Variants in LARP4B observed in about 807,000 individuals in gnomAD.
LARP4B encodes the protein La ribonucleoprotein 4B, also known as la-related protein 4B.
Under a neutral mutation model 89.8 loss-of-function variants are expected in LARP4B, and 12 were observed. That is an observed-to-expected ratio of 0.13 (90% CI 0.09 to 0.22). The LOEUF is 0.22. Among genes scored for constraint, LARP4B ranks in the 10% least tolerant of loss-of-function variants. The probability of loss-of-function intolerance (pLI) is 1.00; values close to 1 mark genes in which losing one functional copy is unlikely to be tolerated. For synonymous variants in LARP4B, 367 were observed against 363.3 expected, an observed-to-expected ratio of 1.01 and a Z score of -0.12; for missense variants, 757 against 947.7, an observed-to-expected ratio of 0.80 and a Z score of 2.64.
intron 3 of LARP4B, among the ~76,000 whole-genome samples, chr10:867,077 T>C (rs1007418689): frequency 2.6e-5 from 4 of 152,258 alleles, no homozygotes; most frequent in African/African-American, 9.6e-5. Flanking sequence ...CAAGGTTTTA[T>C]GCCACAAATG....
At chr10:892,658 G>C (rs919821581) in intron 1 of LARP4B, among the ~76,000 whole-genome samples, 1 of 151,656 alleles carries the variant, frequency 6.6e-6, no homozygotes, top group Admixed American at 6.6e-5. Flanking sequence ...TCCTGCCTCA[G>C]CCTCCCGAGT....
At chr10:958,776 C>T in the LARP4B span, among the ~76,000 whole-genome samples, 1 of 152,240 alleles carries the variant, frequency 6.6e-6, no homozygotes, top group African/African-American at 2.4e-5. Flanking sequence ...TTCGCGTAGA[C>T]ACACTGACAA....
rs1033351344 is a variant in LARP4B at position 863,368 on chromosome 10, G to A, written c.430+375C>T. Reference sequence around the variant, plus strand: ...CTCCCAAATAGCTGGGACTACAGGCGCCCGCCACCACGCCCAGCTGATTTT... The same window carrying A: ...CTCCCAAATAGCTGGGACTACAGGCACCCGCCACCACGCCCAGCTGATTTT... On this transcript the variant is annotated intron_variant, in intron 5 of 17. Transcript: ENST00000316157. Among the ~76,000 whole-genome samples the A allele has an allele frequency of 4.6e-5, 7 of 151,462 alleles. No individual in the cohort carries two copies. The South Asian group carries it at 8.3e-4, about 18-fold the overall frequency.
chr10:894,369 G>T (rs866814690), intron 1 of LARP4B, among the ~76,000 whole-genome samples: 49 of 152,134 alleles, frequency 3.2e-4, no homozygotes, highest in Admixed American at 2.6e-4. Context: ...CAAAATGTAG[G>T]CAAGAAAGAC....
chr10:873,665 A>T (rs567569249), intron 3 of LARP4B, among the ~76,000 whole-genome samples: 29 of 152,366 alleles, frequency 1.9e-4, no homozygotes, highest in Non-Finnish European at 3.7e-4. Flanking sequence ...TCTGAAATAA[A>T]TAGCAATTTA....
At chr10:838,197 CAT>C (rs1833330938) in intron 7 of LARP4B, among the ~76,000 whole-genome samples, 1 of 152,050 alleles carries the variant, frequency 6.6e-6, no homozygotes, top group Non-Finnish European at 1.5e-5. Flanking sequence ...TCCTAGAAAA[CAT>C]AGGAGAAAAT....
intron 1 of LARP4B, among the ~76,000 whole-genome samples, chr10:906,929 C>G (rs1037185114): frequency 2.0e-5 from 3 of 152,200 alleles, no homozygotes; most frequent in Admixed American, 6.5e-5. Flanking sequence ...CCCACCTCCC[C>G]AAACTCCACA....
At chr10:881,029 G>A (rs1021165324) in intron 3 of LARP4B, among the ~76,000 whole-genome samples, 1 of 152,170 alleles carries the variant, frequency 6.6e-6, no homozygotes, top group Admixed American at 6.5e-5. Context: ...GCACACAGGA[G>A]TAAGAACTGG....
intron 1 of LARP4B, among the ~76,000 whole-genome samples, chr10:890,799 G>C (rs1835995009): frequency 6.6e-6 from 1 of 152,100 alleles, no homozygotes; most frequent in African/African-American, 2.4e-5. Context: ...AACACACGAG[G>C]GGAGTAGCTC....
chr10:910,042 C>T (rs953320963), intron 1 of LARP4B, among the ~76,000 whole-genome samples: 1 of 152,114 alleles, frequency 6.6e-6, no homozygotes, highest in Non-Finnish European at 1.5e-5. Flanking sequence ...TTCTGTCATG[C>T]CTCCCGCCCC....
intron 11 of LARP4B, among the ~76,000 whole-genome samples, 159 bp downstream of exon 11, chr10:829,226 G>A (rs758934158): frequency 3.9e-5 from 6 of 152,344 alleles, no homozygotes; most frequent in South Asian, 2.1e-4. Flanking sequence ...CATAAGCTCT[G>A]TTCTCAGCTA....
chr10:911,366 C>G (rs929062101), intron 1 of LARP4B, among the ~76,000 whole-genome samples: 5 of 152,002 alleles, frequency 3.3e-5, no homozygotes, highest in Non-Finnish European at 7.4e-5. Flanking sequence ...AAAAAAAAAG[C>G]CTTTCTGCTT....
upstream of LARP4B, among the ~76,000 whole-genome samples, chr10:933,391 C>T: frequency 6.6e-6 from 1 of 152,056 alleles, no homozygotes; most frequent in East Asian, 1.9e-4. Flanking sequence ...GAGATGGGAG[C>T]CGGTGTACCC....
intron 3 of LARP4B, among the ~76,000 whole-genome samples, chr10:879,290 G>C (rs905729056): frequency 2.0e-5 from 3 of 152,352 alleles, no homozygotes; most frequent in African/African-American, 7.2e-5. Context: ...GGAAAAGAGG[G>C]CATCTGGTCA....
At chr10:917,520 T>G (rs1008896327) in intron 1 of LARP4B, among the ~76,000 whole-genome samples, 4 of 152,220 alleles carry the variant, frequency 2.6e-5, no homozygotes, top group African/African-American at 9.6e-5. Flanking sequence ...GAACAGAGGT[T>G]GACTATGTAG....
At chr10:838,923 T>C (rs924041186) in intron 7 of LARP4B, among the ~76,000 whole-genome samples, 1 of 152,172 alleles carries the variant, frequency 6.6e-6, no homozygotes, top group Non-Finnish European at 1.5e-5. Context: ...TGAACTATTA[T>C]TCCACACTAA....
intron 1 of LARP4B, among the ~76,000 whole-genome samples, chr10:925,596 T>TGATC (rs1424465895): frequency 6.6e-6 from 1 of 152,128 alleles, no homozygotes; most frequent in East Asian, 1.9e-4. Flanking sequence ...TGCAGTGGTG[T>TGATC]GATCTCAGAT....
intron 5 of LARP4B, among the ~76,000 whole-genome samples, chr10:857,951 G>A (rs913149502): frequency 6.6e-5 from 10 of 152,112 alleles, no homozygotes; most frequent in Admixed American, 1.3e-4. Context: ...AGAGCAAAAA[G>A]GGTGCTTGGC....
At chr10:972,485 G>A in the LARP4B span, 2 of 456,408 alleles carry the variant, frequency 4.4e-6, no homozygotes, top group South Asian at 1.5e-5. Context: ...ACAGTCCACA[G>A]CTCTCATTCT....
Sources: gnomAD v4.1 joint callset for allele counts (sites outside exome capture counted in the v4.1 genomes callset) on GRCh38, gnomAD v4.1.1 for gene constraint, MANE v1.5 for transcripts, NCBI Gene and HGNC (gene_info 2026-07-23, HGNC 2026-07-21) for gene names.